FAM184A: variants seen among roughly 807,000 people sequenced by gnomAD.
The protein encoded by FAM184A is protein FAM184A.
FAM184A carries 99 observed loss-of-function variants against 143.8 expected under a neutral mutation model. The ratio of observed to expected loss-of-function variants is 0.69; its 90% CI spans 0.58 to 0.81. The LOEUF (loss-of-function observed/expected upper bound fraction) is 0.81. Ranked by LOEUF, FAM184A falls within the 40% of genes least tolerant of loss-of-function variation. The pLI is 0.00. For synonymous variants in FAM184A, 427 were observed against 446.4 expected, an observed-to-expected ratio of 0.96 and a Z score of 0.55; for missense variants, 1,217 against 1,310.5, an observed-to-expected ratio of 0.93 and a Z score of 1.10.
chr6:119,036,552 T>C (rs775120591), intron 1 of FAM184A, among the ~76,000 whole-genome samples: 10 of 152,052 alleles, frequency 6.6e-5, no homozygotes, highest in Non-Finnish European at 1.5e-4. Context: ...GGAATACATC[T>C]GTTTCCCCAG....
intron 1 of FAM184A, among the ~76,000 whole-genome samples, chr6:119,108,447 G>C (rs1477061330): frequency 6.6e-6 from 1 of 152,092 alleles, no homozygotes; most frequent in Non-Finnish European, 1.5e-5. Context: ...CAAGTCAGCA[G>C]CTCTAGAAGG....
chr6:119,098,104 T>G (rs886141351), intron 1 of FAM184A, among the ~76,000 whole-genome samples: 1 of 152,136 alleles, frequency 6.6e-6, no homozygotes, highest in South Asian at 2.1e-4. Context: ...CGGTGAGAGA[T>G]AATTGAATCA....
chr6:119,042,569 G>A (rs1786379834), intron 1 of FAM184A, among the ~76,000 whole-genome samples: 2 of 152,164 alleles, frequency 1.3e-5, no homozygotes, highest in Non-Finnish European at 2.9e-5. Flanking sequence ...AATAATTTGG[G>A]GTAATTCAGA....
At chr6:119,065,423 C>T (rs992032849) in intron 1 of FAM184A, among the ~76,000 whole-genome samples, 20 of 152,208 alleles carry the variant, frequency 1.3e-4, no homozygotes, top group African/African-American at 4.6e-4. Flanking sequence ...TTAAGTGACT[C>T]CTCGATTTCT....
intron 6 of FAM184A, chr6:119,011,068 T>C (rs151208805): frequency 2.8e-6 from 1 of 360,882 alleles, no homozygotes; most frequent in East Asian, 6.1e-5. Context: ...TCCTATGTGG[T>C]GATATTCTGT....
At chr6:118,991,751 CTTTTTTTT>C (rs61476918) in intron 9 of FAM184A, among the ~76,000 whole-genome samples, 3 of 42,376 alleles carry the variant, frequency 7.1e-5, no homozygotes, top group East Asian at 1.6e-3. Context: ...CCTGAGAGGA[CTTTTTTTT>C]TTTTTTTTTT....
chr6:118,964,632 C>G (rs1364197794), intron 16 of FAM184A, 35 bp downstream of exon 16: 4 of 1,216,248 alleles, frequency 3.3e-6, no homozygotes, highest in Non-Finnish European at 4.7e-6. Flanking sequence ...AACTTTTAAA[C>G]CACATTCCTA....
In FAM184A at chr6:118,966,870, G is replaced by A. The variant is rs1783517416; in HGVS notation, c.2998C>T (p.Leu1000Phe). The A allele has an allele frequency of 1.9e-6, 3 of 1,594,306 alleles. No homozygotes were observed. Among genetic ancestry groups the A allele is most frequent in the Non-Finnish European group, 2.6e-6 (3 of 1,165,308 alleles). The change falls in exon 15 of 18, where the codon CTT (leucine) becomes TTT (phenylalanine). Residue 1000 changes from leucine to phenylalanine, a missense_variant. Transcript: ENST00000338891. ...TTTATGATCTGGTCTCTTTCTGTAA[G>A]CATGGCTTTTAATTCTGTAATCATC... Reference protein sequence around the residue: ...IQMITELKAMLTERDQIIKKL... With the variant: ...IQMITELKAMFTERDQIIKKL...
intron 1 of FAM184A, among the ~76,000 whole-genome samples, chr6:119,075,422 A>T (rs1408714023): frequency 1.3e-5 from 2 of 152,182 alleles, no homozygotes; most frequent in East Asian, 3.8e-4. Context: ...TCTGTAAAAT[A>T]GGTACTATCA....
Position 119,060,141 on chromosome 6 carries a change from T to G in FAM184A, c.159+18000A>C, listed in dbSNP as rs567342153. Reference sequence around the variant, plus strand: ...ATTTAGTTAAAACCAGGTACTGTTTTTAGGTACTGTTTGAGGCCAGCCTAG... The same window carrying G: ...ATTTAGTTAAAACCAGGTACTGTTTGTAGGTACTGTTTGAGGCCAGCCTAG... On this transcript the variant is annotated intron_variant, in intron 1 of 17. Transcript: ENST00000338891. Among the ~76,000 whole-genome samples, 6 of 152,344 alleles carry G rather than the reference T, an allele frequency of 3.9e-5. No homozygotes were observed. The South Asian group carries it at 1.2e-3, about 32-fold the overall frequency.
chr6:119,001,362 T>C (rs1784751565), intron 9 of FAM184A, among the ~76,000 whole-genome samples: 1 of 151,932 alleles, frequency 6.6e-6, no homozygotes, highest in Admixed American at 6.6e-5. Context: ...CATCACAGAA[T>C]AGTTTTACCT....
intron 9 of FAM184A, among the ~76,000 whole-genome samples, chr6:119,000,258 C>T (rs1004394941): frequency 2.6e-5 from 4 of 152,150 alleles, no homozygotes; most frequent in African/African-American, 9.7e-5. Context: ...TCACAGAAAA[C>T]TCTATATAAT....
Position 119,020,134 on chromosome 6 carries a change from A to G in FAM184A, c.1176T>C (p.Thr392=). The part of the protein sequence containing the change: ...KASHIGMLQA[T]QMTQEVTIKD... ...TAATTGTAACTTCCTGGGTCATTTG[A>G]GTTGCTTGAAGCATTCCAATATGAC... The change falls in exon 4 of 18, where the codon ACT becomes ACC. Residue 392 remains threonine, a synonymous_variant. Transcript: ENST00000338891. 1.3e-6 allele frequency: 2 copies of G among 1,597,118 alleles called. No individual in the cohort carries two copies. Among genetic ancestry groups the G allele is most frequent in the Non-Finnish European group, 1.7e-6 (2 of 1,174,720 alleles).
chr6:118,969,810 G>C (rs2004974), intron 14 of FAM184A, among the ~76,000 whole-genome samples: 122,589 of 136,684 alleles, frequency 0.9, 55,022 homozygotes, highest in African/African-American at 0.96. Context: ...CCCCCACCCC[G>C]TGACAGGCCC....
intron 1 of FAM184A, among the ~76,000 whole-genome samples, chr6:119,075,319 T>A (rs1787833052): frequency 6.6e-6 from 1 of 152,252 alleles, no homozygotes; most frequent in Admixed American, 6.5e-5. Flanking sequence ...GAAGCATTTT[T>A]AAAATATCCA....
chr6:118,990,062 G>A (rs568145845), intron 9 of FAM184A, among the ~76,000 whole-genome samples: 9 of 152,222 alleles, frequency 5.9e-5, no homozygotes, highest in African/African-American at 1.9e-4. Context: ...TTCTGACCTC[G>A]TGATCCGCTG....
intron 1 of FAM184A, among the ~76,000 whole-genome samples, chr6:119,137,266 G>A (rs1376493270): frequency 6.6e-6 from 1 of 151,650 alleles, no homozygotes; most frequent in African/African-American, 2.4e-5. Context: ...TCTTCTGTGT[G>A]TGTGTGTATG....
chr6:119,104,990 C>T (rs1788742839), intron 1 of FAM184A, among the ~76,000 whole-genome samples: 1 of 152,080 alleles, frequency 6.6e-6, no homozygotes, highest in Non-Finnish European at 1.5e-5. Flanking sequence ...AGTAGAGGAA[C>T]ATTCTATAAA....
At chr6:119,023,550 TGTCC>T (rs1292816990) in intron 2 of FAM184A, among the ~76,000 whole-genome samples, 18 of 46,394 alleles carry the variant, frequency 3.9e-4, no homozygotes, top group Non-Finnish European at 6.0e-4. Flanking sequence ...TTAGCAATAT[TGTCC>T]GCCCCCCCCC....
Sources: gnomAD v4.1 joint callset for allele counts (sites outside exome capture counted in the v4.1 genomes callset) on GRCh38, gnomAD v4.1.1 for gene constraint, MANE v1.5 for transcripts, NCBI Gene and HGNC (gene_info 2026-07-23, HGNC 2026-07-21) for gene names.